EPHA7: variants seen among roughly 807,000 people sequenced by gnomAD.
The protein encoded by EPHA7 is EPH receptor A7, also known as ephrin type-A receptor 7.
In EPHA7, 25 loss-of-function variants were observed where a neutral mutation model predicts 112.6. The observed-to-expected ratio is 0.22, with a 90% CI of 0.16 to 0.31. The LOEUF (loss-of-function observed/expected upper bound fraction) is 0.31, where lower values mean the gene tolerates loss of function less well. Among genes scored for constraint, EPHA7 ranks in the 10% least tolerant of loss-of-function variants. The pLI, the probability that EPHA7 is intolerant of heterozygous loss-of-function variation, is 1.00. For missense variants in EPHA7, 962 were observed against 1,212.6 expected, an observed-to-expected ratio of 0.79 and a Z score of 3.07; for synonymous variants, 437 against 406.5, an observed-to-expected ratio of 1.07 and a Z score of -0.90.
chr6:93,366,426 C>A (rs765402659), intron 3 of EPHA7, among the ~76,000 whole-genome samples: 1 of 152,160 alleles, frequency 6.6e-6, no homozygotes, highest in Non-Finnish European at 1.5e-5. Context: ...TTGTTTATAA[C>A]AAGAACACAG....
intron 2 of EPHA7, among the ~76,000 whole-genome samples, chr6:93,414,259 T>C (rs1034075890): frequency 9.2e-5 from 14 of 151,930 alleles, no homozygotes; most frequent in African/African-American, 3.4e-4. Flanking sequence ...TTTAGTTATA[T>C]TTTAAAGTAC....
At chr6:93,370,293 T>C (rs1776724607) in intron 3 of EPHA7, among the ~76,000 whole-genome samples, 1 of 152,126 alleles carries the variant, frequency 6.6e-6, no homozygotes, top group African/African-American at 2.4e-5. Flanking sequence ...TTTCCTGCTC[T>C]GGATTATTTA....
intron 12 of EPHA7, 142 bp from the exon 13 acceptor site, chr6:93,256,179 G>A (rs1367977733): frequency 1.5e-6 from 1 of 645,644 alleles, no homozygotes; most frequent in South Asian, 2.3e-5. Context: ...GATACCTGTG[G>A]AAAAAAATAA....
intron 5 of EPHA7, among the ~76,000 whole-genome samples, chr6:93,331,823 A>G (rs1774609595): frequency 6.6e-6 from 1 of 151,598 alleles, no homozygotes; most frequent in South Asian, 2.1e-4. Context: ...CTACTATTGT[A>G]AACCACTATG....
At chr6:93,405,165 A>T (rs544360194) in intron 3 of EPHA7, among the ~76,000 whole-genome samples, 1 of 151,974 alleles carries the variant, frequency 6.6e-6, no homozygotes, top group African/African-American at 2.4e-5. Flanking sequence ...TCTTTTTCCT[A>T]TGTATATTTT....
At chr6:93,259,764 G>T (rs1387712068) in intron 9 of EPHA7, among the ~76,000 whole-genome samples, 2 of 151,928 alleles carry the variant, frequency 1.3e-5, no homozygotes, top group Non-Finnish European at 2.9e-5. Flanking sequence ...CTATCAGACT[G>T]GAGGTTTAAT....
chr6:93,336,713 T>G (rs1417539717), intron 5 of EPHA7, among the ~76,000 whole-genome samples: 2 of 152,042 alleles, frequency 1.3e-5, no homozygotes, highest in African/African-American at 2.4e-5. Context: ...TTTTACCCTT[T>G]TAAGAACAGA....
intron 11 of EPHA7, 64 bp from the exon 12 acceptor site, chr6:93,257,587 A>G (rs1770495244): frequency 9.6e-7 from 1 of 1,043,418 alleles, no homozygotes; most frequent in East Asian, 2.4e-5. Context: ...TTCCTTTCTC[A>G]TCCCCCAATA....
At chr6:93,282,856 C>G (rs1771827831) in intron 5 of EPHA7, among the ~76,000 whole-genome samples, 1 of 152,170 alleles carries the variant, frequency 6.6e-6, no homozygotes, top group South Asian at 2.1e-4. Context: ...GGCTCAGGAC[C>G]TGCACCCTGC....
At chr6:93,291,919 A>T (rs1339273577) in intron 5 of EPHA7, among the ~76,000 whole-genome samples, 3 of 152,166 alleles carry the variant, frequency 2.0e-5, no homozygotes, top group African/African-American at 7.2e-5. Context: ...TTAGCCACAC[A>T]CACATCAAAA....
intron 3 of EPHA7, among the ~76,000 whole-genome samples, chr6:93,369,974 A>T (rs909926386): frequency 3.3e-5 from 5 of 152,292 alleles, no homozygotes; most frequent in African/African-American, 1.2e-4. Context: ...GTAAGGAGAG[A>T]CACTTCACTG....
chr6:93,253,089 C>T (rs1385350819), intron 14 of EPHA7, among the ~76,000 whole-genome samples: 1 of 151,846 alleles, frequency 6.6e-6, no homozygotes, highest in Non-Finnish European at 1.5e-5. Context: ...GAATCCAATA[C>T]AGAAGGAAGG....
chr6:93,321,719 A>G (rs1332666058), intron 5 of EPHA7, among the ~76,000 whole-genome samples: 1 of 151,902 alleles, frequency 6.6e-6, no homozygotes, highest in Non-Finnish European at 1.5e-5. Context: ...TTCCCTCTCC[A>G]GGTCCCTGTG....
At chr6:93,276,878 C>T (rs2127889995) in intron 5 of EPHA7, among the ~76,000 whole-genome samples, 2 of 152,076 alleles carry the variant, frequency 1.3e-5, no homozygotes, top group Non-Finnish European at 2.9e-5. Context: ...TTACATGTTT[C>T]TAACTGAATT....
chr6:93,259,019 A>G (rs948007966), intron 10 of EPHA7, among the ~76,000 whole-genome samples: 1 of 152,010 alleles, frequency 6.6e-6, no homozygotes, highest in Non-Finnish European at 1.5e-5. Context: ...GTAAAAGGAA[A>G]TGTGCAGCAA....
chr6:93,324,457 T>C (rs1039790843), intron 5 of EPHA7, among the ~76,000 whole-genome samples: 2 of 151,288 alleles, frequency 1.3e-5, no homozygotes, highest in African/African-American at 4.8e-5. Flanking sequence ...CAAGGGCAGA[T>C]GAAAGGCATG....
intron 1 of EPHA7, among the ~76,000 whole-genome samples, chr6:93,415,385 T>G (rs1779173439): frequency 6.6e-6 from 1 of 152,032 alleles, no homozygotes; most frequent in African/African-American, 2.4e-5. Flanking sequence ...CAGCATTTTT[T>G]TTAATTTCTT....
rs2127994969 is a variant in EPHA7 at position 93,411,046 on chromosome 6, T to A, written c.287A>T (p.Gln96Leu). ...RTNWISKGNA[Q>L]RIFVELKFTL... ...GAATTTCAATTCTACAAAAATCCTT[T>A]GTGCATTGCCTTTGGAAATCCAGTT... Residue 96 changes from glutamine to leucine, a missense_variant, in exon 3 of 17, where the codon CAA (glutamine) becomes CTA (leucine). Around this residue, in one of 3 missense-constraint regions of EPHA7, gnomAD observed 160 missense variants for 263.6 expected, o/e 0.61. Coordinates refer to ENST00000369303, the MANE Select transcript of EPHA7 (RefSeq NM_004440.4). 1 of 1,614,090 alleles carries A rather than the reference T, an allele frequency of 6.2e-7. No homozygotes were observed. Among genetic ancestry groups the A allele is most frequent in the Non-Finnish European group, 8.5e-7 (1 of 1,179,974 alleles).
chr6:93,308,262 T>C (rs889133973), intron 5 of EPHA7, among the ~76,000 whole-genome samples: 8 of 152,212 alleles, frequency 5.3e-5, no homozygotes, highest in African/African-American at 1.9e-4. Context: ...GGATTTTTTC[T>C]CTGTGGTTTG....
Sources: allele counts gnomAD v4.1 joint callset (sites outside exome capture counted in the v4.1 genomes callset), GRCh38; gene constraint gnomAD v4.1.1; regional missense constraint gnomAD v4.1.1; transcripts MANE v1.5; gene names NCBI Gene and HGNC (gene_info 2026-07-23, HGNC 2026-07-21).